Variants in SLIT2 observed in about 807,000 individuals in gnomAD.
SLIT2 encodes slit guidance ligand 2.
SLIT2 carries 41 observed loss-of-function variants against 185.7 expected under a neutral mutation model. That is an observed-to-expected ratio of 0.22 (90% CI 0.17 to 0.29). The LOEUF (loss-of-function observed/expected upper bound fraction) is 0.29. SLIT2 is among the 10% of genes least tolerant of loss of function. SLIT2 has a pLI of 1.00. For missense variants in SLIT2, 1,571 were observed against 1,909.0 expected (o/e 0.82, Z 3.30); for synonymous variants, 693 against 680.2 (o/e 1.02, Z -0.29).
intron 4 of SLIT2, among the ~76,000 whole-genome samples, chr4:20,347,160 G>A (rs1015231968): frequency 1.3e-5 from 2 of 152,200 alleles, no homozygotes; most frequent in African/African-American, 4.8e-5. Flanking sequence ...AAAGGAAGCG[G>A]ATTGGCACTT....
At chr4:20,393,897 A>G (rs1223552313) in intron 4 of SLIT2, among the ~76,000 whole-genome samples, 5 of 152,074 alleles carry the variant, frequency 3.3e-5, no homozygotes, top group Admixed American at 2.6e-4. Context: ...TGGTGATCAC[A>G]GAGACTGAGG....
At chr4:20,357,398 T>G (rs1722410093) in intron 4 of SLIT2, among the ~76,000 whole-genome samples, 1 of 152,176 alleles carries the variant, frequency 6.6e-6, no homozygotes, top group South Asian at 2.1e-4. Context: ...TTTACTTGTC[T>G]CTGCTATTTT....
At chr4:20,300,965 T>C (rs74950150) in intron 4 of SLIT2, among the ~76,000 whole-genome samples, 17 of 152,232 alleles carry the variant, frequency 1.1e-4, no homozygotes, top group African/African-American at 3.8e-4. Context: ...AGTAATCTCA[T>C]TAGCCTTTGT....
intron 4 of SLIT2, among the ~76,000 whole-genome samples, chr4:20,414,546 C>T (rs142824444): frequency 3.2e-4 from 49 of 152,224 alleles, no homozygotes; most frequent in African/African-American, 1.2e-3. Context: ...CTACTAGCAA[C>T]ACCTTTTTTA....
rs1721557050 is a variant in SLIT2, at chr4:20,529,092, G to T, written c.1606G>T (p.Ala536Ser). The T allele has an allele frequency of 1.2e-6, 2 of 1,601,666 alleles. No individual in the cohort carries two copies. The highest frequency in any genetic ancestry group is 1.3e-5 in the African/African-American group (1 of 74,908). ...KIPEHIPQYTAELRLNNNEFT... is the reference protein window; with the variant it reads ...KIPEHIPQYTSELRLNNNEFT... ...CCCGGAGCACATTCCCCAGTACACT[G>T]CAGAGTTGTAAGTTCATCCCCCAAC... The change falls in exon 16 of 37, where the codon GCA (alanine) becomes TCA (serine). Residue 536 changes from alanine (A) to serine (S), a missense_variant. Physicochemically the swap from Ala to Ser is moderately conservative, Grantham distance 99. Coordinates refer to ENST00000504154, the MANE Select transcript of SLIT2 (RefSeq NM_004787.4).
At chr4:20,388,841 A>T (rs924866164) in intron 4 of SLIT2, among the ~76,000 whole-genome samples, 60 of 145,996 alleles carry the variant, frequency 4.1e-4, no homozygotes, top group Non-Finnish European at 6.9e-4. Context: ...TATAATATAT[A>T]TAAAATATGT....
intron 4 of SLIT2, among the ~76,000 whole-genome samples, chr4:20,368,468 G>A (rs1723317031): frequency 6.6e-6 from 1 of 152,052 alleles, no homozygotes; most frequent in East Asian, 1.9e-4. Flanking sequence ...ATAATTATAT[G>A]TGTGTTTGGT....
rs1344794767 is a variant in SLIT2 at position 20,403,965 on chromosome 4, G to A, written c.396-63787G>A. Among the ~76,000 whole-genome samples the A allele has an allele frequency of 4.0e-5, 6 of 151,292 alleles. No individual in the cohort carries two copies. In the South Asian group the frequency reaches 6.2e-4, roughly 16 times the overall value. On this transcript the variant is annotated intron_variant, in intron 4 of 36. Transcript: ENST00000504154. Reference sequence around the variant, plus strand: ...GTTTGGAAGATAGATTCATTGGGCCGCATACAAACATGAAATGTCAACTTT... The same window carrying A: ...GTTTGGAAGATAGATTCATTGGGCCACATACAAACATGAAATGTCAACTTT...
At chr4:20,610,307 G>A (rs1729115443) in intron 34 of SLIT2, 140 bp downstream of exon 34, 1 of 683,758 alleles carries the variant, frequency 1.5e-6, no homozygotes, top group South Asian at 2.5e-5. Context: ...GGATGGCAAA[G>A]ACAGAACAGA....
intron 4 of SLIT2, among the ~76,000 whole-genome samples, chr4:20,378,605 A>G (rs967158584): frequency 2.6e-5 from 4 of 152,164 alleles, no homozygotes; most frequent in African/African-American, 9.6e-5. Flanking sequence ...TGATTCATCC[A>G]TACATTTATT....
chr4:20,517,935 T>C (rs1173065968), intron 11 of SLIT2, among the ~76,000 whole-genome samples: 1 of 151,830 alleles, frequency 6.6e-6, no homozygotes, highest in Non-Finnish European at 1.5e-5. Flanking sequence ...AAAGAATATA[T>C]CTCTGATCTT....
intron 4 of SLIT2, among the ~76,000 whole-genome samples, chr4:20,304,650 C>T (rs536645567): frequency 6.6e-5 from 10 of 152,138 alleles, no homozygotes; most frequent in African/African-American, 1.7e-4. Flanking sequence ...TTAGGAAGCC[C>T]GAGAAGTGAT....
chr4:20,270,430 TTA>T (rs1333963885), intron 4 of SLIT2, among the ~76,000 whole-genome samples: 1 of 151,976 alleles, frequency 6.6e-6, no homozygotes, highest in Non-Finnish European at 1.5e-5. Flanking sequence ...AGATTTTCTT[TTA>T]TGTTTTGTTA....
intron 4 of SLIT2, among the ~76,000 whole-genome samples, chr4:20,329,688 T>C (rs929306164): frequency 6.6e-6 from 1 of 152,216 alleles, no homozygotes; most frequent in South Asian, 2.1e-4. Flanking sequence ...GAATCCTTGA[T>C]AGCAAATGCC....
intron 9 of SLIT2, among the ~76,000 whole-genome samples, chr4:20,501,910 G>A (rs1207882866): frequency 6.6e-6 from 1 of 152,148 alleles, no homozygotes; most frequent in African/African-American, 2.4e-5. Flanking sequence ...TATCCACTAT[G>A]TGCAGAGAAA....
At chr4:20,388,806 T>A (rs1247456834) in intron 4 of SLIT2, among the ~76,000 whole-genome samples, 2 of 144,292 alleles carry the variant, frequency 1.4e-5, no homozygotes. Flanking sequence ...TATATATATA[T>A]AACATATGTA....
At position 20,268,875 on chromosome 4, in the gene SLIT2, A is replaced by G; in HGVS notation, c.389A>G (p.Tyr130Cys). 1.3e-6 allele frequency: 2 copies of G among 1,595,000 alleles called. No individual in the cohort carries two copies. Among genetic ancestry groups the G allele is most frequent in the Non-Finnish European group, 1.7e-6 (2 of 1,163,016 alleles). The stretch of plus-strand genomic sequence containing the variant: ...CTGTTTCTTGGGACTGCGAAGCTAT[A>G]CAGGCTGTAAGTAGACACAAATAGT... ...ELLFLGTAKL[Y>C]RLDLSENQIQ... The change falls in exon 4 of 37, where the codon TAC (tyrosine) becomes TGC (cysteine). Residue 130 changes from tyrosine (Y) to cysteine (C), a missense_variant. Tyr to Cys is a radical substitution (Grantham distance 194). Transcript: ENST00000504154.
At chr4:20,413,432 G>C (rs994882124) in intron 4 of SLIT2, among the ~76,000 whole-genome samples, 7 of 152,162 alleles carry the variant, frequency 4.6e-5, no homozygotes, top group African/African-American at 1.7e-4. Flanking sequence ...GTTGCGTAAA[G>C]TATTCTATAG....
At chr4:20,510,810 T>C (rs1719630015) in intron 10 of SLIT2, among the ~76,000 whole-genome samples, 1 of 152,214 alleles carries the variant, frequency 6.6e-6, no homozygotes, top group South Asian at 2.1e-4. Flanking sequence ...CAATATATTT[T>C]GCATATGAAC....
Sources: allele counts gnomAD v4.1 joint callset (sites outside exome capture counted in the v4.1 genomes callset), GRCh38; gene constraint gnomAD v4.1.1; transcripts MANE v1.5; gene names NCBI Gene and HGNC (gene_info 2026-07-23, HGNC 2026-07-21).